The following METTL9 variants were observed in gnomAD, a reference collection of about 807,000 sequenced individuals.
METTL9 encodes the protein methyltransferase 9, His-X-His N1(pi)-histidine, also known as protein-L-histidine N-pros-methyltransferase.
In METTL9, 10 loss-of-function variants were observed where a neutral mutation model predicts 36.0. That is an observed-to-expected ratio of 0.28 (90% CI 0.17 to 0.47). The LOEUF (loss-of-function observed/expected upper bound fraction) is 0.47, where lower values mean the gene tolerates loss of function less well. METTL9 is among the 20% of genes least tolerant of loss of function. The probability of loss-of-function intolerance (pLI) is 0.99; values close to 1 mark genes in which losing one functional copy is unlikely to be tolerated. For synonymous variants in METTL9, 175 were observed against 149.7 expected, an observed-to-expected ratio of 1.17 and a Z score of -1.23; for missense variants, 246 against 383.5, an observed-to-expected ratio of 0.64 and a Z score of 3.00.
At chr16:21,598,067 T>C (rs1964991391), upstream of METTL9, 1 of 152,330 alleles carries the variant, frequency 6.6e-6, no homozygotes, top group Admixed American at 6.5e-5. Flanking sequence ...AAAGAGCTGT[T>C]GGGCCAGGTG....
rs1247973086 is a variant in METTL9 at position 21,656,856 on chromosome 16, CATA to C, written c.*1429_*1431del. On this transcript the variant is annotated 3_prime_UTR_variant, in exon 5 of 5. Coordinates refer to ENST00000358154, the MANE Select transcript of METTL9 (RefSeq NM_016025.5). ...ATATCTTCCACTGTTACTGTGCAGT[CATA>C]ATAAGAGTTGGGTTATGTGATTTAT... 2.6e-5 allele frequency: 4 copies of C among 152,052 alleles called. No homozygotes were observed. The highest frequency in any genetic ancestry group is 2.0e-4 in the Admixed American group (3 of 15,252). The allele number at this position is 152,052 out of a possible 1,614,324, so 9.4% of individuals were successfully genotyped here.
intron 1 of METTL9, among the ~76,000 whole-genome samples, chr16:21,608,288 TA>T (rs1965343632): frequency 6.6e-6 from 1 of 152,166 alleles, no homozygotes; most frequent in Non-Finnish European, 1.5e-5. Context: ...CCCATTGGGT[TA>T]AAGGGGTTCC....
chr16:21,597,419 A>G (rs571610335), upstream of METTL9: 5 of 595,736 alleles, frequency 8.4e-6, no homozygotes, highest in South Asian at 8.2e-5. Context: ...GGTGGTTATT[A>G]TAGAGTATTT....
Position 21,653,369 on chromosome 16 carries a change from C to T in METTL9, c.752-1858C>T, listed in dbSNP as rs117687814. The T allele has an allele frequency of 8.8e-3, 1,345 of 152,556 alleles. 48 individuals are homozygous for T. The highest frequency in any genetic ancestry group is 0.082 in the East Asian group (425 of 5,180). 9.5% of individuals were successfully genotyped at this position (152,556 alleles called of 1,614,324 possible). On this transcript the variant is annotated intron_variant, in intron 4 of 4. Transcript: ENST00000358154. ...TACAGGTGTGAGCCACCATGCCTGG[C>T]CCAAAGACCCCCTTTTAATGTGTTG...
rs201381483 is a variant in METTL9, at chr16:21,647,455, C to T, written c.752-7772C>T. The T allele has an allele frequency of 3.7e-5, 60 of 1,613,916 alleles. 2 individuals are homozygous for T. The East Asian group carries it at 1.2e-3, about 32-fold the overall frequency. Reference sequence around the variant, plus strand: ...GAGTGTAGTCCACTTCTAGGTACCACGGTTGTGTGACAGAGAGAGTACAGG... The same window carrying T: ...GAGTGTAGTCCACTTCTAGGTACCATGGTTGTGTGACAGAGAGAGTACAGG... On this transcript the variant is annotated intron_variant, in intron 4 of 4. Transcript: ENST00000358154.
chr16:21,613,168 C>CTTTTTTTTTTTTTT lies in METTL9; in HGVS notation c.356+356_356+369dup, dbSNP rs57388340. Among the ~76,000 whole-genome samples, 16 of 91,416 alleles carry CTTTTTTTTTTTTTT rather than the reference C, an allele frequency of 1.8e-4. 1 individual carries two copies. In the East Asian group the frequency reaches 1.8e-3, roughly 10 times the overall value. The allele number at this position is 91,416 out of a possible 152,430, so 60.0% of individuals were successfully genotyped here. A position where few individuals can be genotyped will look rare whatever the true frequency, so the allele number is the denominator to read the frequency against. ...ATCAGGGGCTAGGTCTGAGAGTCTG[C>CTTTTTTTTTTTTTT]TTTTTTTTTTTTTTTTTTTTTTTTT... On this transcript the variant is annotated intron_variant, in intron 2 of 4. Transcript: ENST00000358154.
chr16:21,642,647 A>G (rs1966302293), intron 4 of METTL9, among the ~76,000 whole-genome samples: 1 of 152,192 alleles, frequency 6.6e-6, no homozygotes, highest in Non-Finnish European at 1.5e-5. Context: ...CATTAGCTGC[A>G]TCTTTTCTAA....
intron 4 of METTL9, among the ~76,000 whole-genome samples, chr16:21,648,554 G>A (rs1488606605): frequency 2.6e-5 from 4 of 152,328 alleles, no homozygotes; most frequent in East Asian, 3.9e-4. Flanking sequence ...CCACTCCAGT[G>A]TACTGTCCAC....
intron 4 of METTL9, chr16:21,644,382 T>C (rs1966365761): frequency 6.2e-7 from 1 of 1,612,374 alleles, no homozygotes; most frequent in Non-Finnish European, 8.5e-7. Flanking sequence ...AGTTCCTTGC[T>C]GAGCAGCTTA....
intron 4 of METTL9, chr16:21,641,625 T>G (rs761248683): frequency 7.1e-7 from 1 of 1,407,326 alleles, no homozygotes; most frequent in South Asian, 1.2e-5. Flanking sequence ...AAGCCATGTT[T>G]AAGGTTATGT....
chr16:21,631,518 A>G (rs965594711), intron 4 of METTL9, among the ~76,000 whole-genome samples: 1 of 152,126 alleles, frequency 6.6e-6, no homozygotes, highest in African/African-American at 2.4e-5. Flanking sequence ...TTATTAGGCA[A>G]TTTTCCTAAC....
chr16:21,614,113 T>C (rs1388721405), intron 2 of METTL9, among the ~76,000 whole-genome samples: 5 of 152,216 alleles, frequency 3.3e-5, no homozygotes, highest in African/African-American at 4.8e-5. Flanking sequence ...TTATGTGAAA[T>C]TGCCATACGT....
At chr16:21,604,053 C>G (rs1414934992) in intron 1 of METTL9, among the ~76,000 whole-genome samples, 1 of 152,108 alleles carries the variant, frequency 6.6e-6, no homozygotes, top group Non-Finnish European at 1.5e-5. Context: ...TTACCCCTCA[C>G]TTACCCTGTG....
At chr16:21,626,878 C>T in intron 4 of METTL9, 1 of 868,792 alleles carries the variant, frequency 1.2e-6, no homozygotes, top group Non-Finnish European at 1.4e-6. Flanking sequence ...GATGAAAGAG[C>T]AGGGGGAAGA....
At chr16:21,597,358 C>G, upstream of METTL9, 1 of 1,150,772 alleles carries the variant, frequency 8.7e-7, no homozygotes, top group South Asian at 1.3e-5. Context: ...ATCGGATGCT[C>G]TGGTTTCTTC....
rs953303717 is a variant in METTL9, at chr16:21,656,800, T to G, written c.*1368T>G. ...ACCTGAAGAATTACTTTATTATTCA[T>G]TAAGAACTGCATTCCCACATCCTCA... is the stretch of plus-strand genomic sequence containing the variant. On this transcript the variant is annotated 3_prime_UTR_variant, in exon 5 of 5. Transcript: ENST00000358154. 6.6e-6 allele frequency: 1 copy of G among 152,176 alleles called. No individual in the cohort carries two copies. The highest frequency in any genetic ancestry group is 2.4e-5 in the African/African-American group (1 of 41,436). The allele number at this position is 152,176 out of a possible 1,614,324, so 9.4% of individuals were successfully genotyped here. A position where few individuals can be genotyped will look rare whatever the true frequency, so the allele number is the denominator to read the frequency against.
chr16:21,635,581 T>G (rs1966071299), intron 4 of METTL9, among the ~76,000 whole-genome samples: 1 of 152,148 alleles, frequency 6.6e-6, no homozygotes, highest in Admixed American at 6.5e-5. Context: ...AGGATAGTAT[T>G]GTAATTTCTA....
chr16:21,599,543 A>G (rs1965040180), upstream of METTL9: 2 of 1,277,314 alleles, frequency 1.6e-6, no homozygotes, highest in Non-Finnish European at 2.0e-6. The surrounding 1 kb of genome is among the most constrained non-coding windows in gnomAD (Gnocchi z 4.4). Context: ...CCGGAAGGGA[A>G]GGGGGAGGTG....
At chr16:21,636,493 G>C (rs1014861509) in intron 4 of METTL9, among the ~76,000 whole-genome samples, 8 of 152,188 alleles carry the variant, frequency 5.3e-5, no homozygotes, top group African/African-American at 1.9e-4. Context: ...AAGTTTGTCT[G>C]ACAGGCGTTA....
Sources: allele counts gnomAD v4.1 joint callset (sites outside exome capture counted in the v4.1 genomes callset), GRCh38; gene constraint gnomAD v4.1.1; non-coding constraint Gnocchi (gnomAD v3.1); transcripts MANE v1.5; gene names NCBI Gene and HGNC (gene_info 2026-07-23, HGNC 2026-07-21).